Variants in CNTN5 observed in about 807,000 individuals in gnomAD.
CNTN5 encodes contactin-5.
In CNTN5, 77 loss-of-function variants were observed where a neutral mutation model predicts 129.1. That is an observed-to-expected ratio of 0.60 (90% CI 0.50 to 0.72). The LOEUF is 0.72. CNTN5 is among the 30% of genes least tolerant of loss of function. The probability of loss-of-function intolerance (pLI) is 0.00; values close to 1 mark genes in which losing one functional copy is unlikely to be tolerated. For missense variants in CNTN5, 1,478 were observed against 1,328.8 expected (o/e 1.11, Z -1.75); for synonymous variants, 509 against 465.6 (o/e 1.09, Z -1.20).
intron 4 of CNTN5, among the ~76,000 whole-genome samples, chr11:99,839,187 T>C (rs934794350): frequency 6.6e-6 from 1 of 152,160 alleles, no homozygotes; most frequent in East Asian, 1.9e-4. Context: ...TTGAAAATAA[T>C]GAGGAAAGAA....
chr11:99,463,148 A>AAATAAATAAATAAATAAAT (rs756861193), intron 2 of CNTN5, among the ~76,000 whole-genome samples: 1,049 of 67,416 alleles, frequency 0.016, 8 homozygotes, highest in Middle Eastern at 0.073. Flanking sequence ...AATAAATAAA[A>AAATAAATAAATAAATAAAT]GTAAAAAAGT....
chr11:99,512,570 C>T (rs1411159866), intron 2 of CNTN5, among the ~76,000 whole-genome samples: 3 of 152,132 alleles, frequency 2.0e-5, no homozygotes, highest in African/African-American at 7.2e-5. Flanking sequence ...TCCAGCAAGT[C>T]TGTTAGTGCC....
intron 6 of CNTN5, among the ~76,000 whole-genome samples, chr11:99,867,179 G>C (rs1347649587): frequency 6.6e-6 from 1 of 152,128 alleles, no homozygotes; most frequent in Non-Finnish European, 1.5e-5. Context: ...TTGCAGTCAA[G>C]ATCACTGTTG....
chr11:100,085,346 A>G (rs1313904787), intron 13 of CNTN5, among the ~76,000 whole-genome samples: 1 of 152,076 alleles, frequency 6.6e-6, no homozygotes, highest in African/African-American at 2.4e-5. Context: ...TAAAGTAATC[A>G]GCACAACAAA....
intron 1 of CNTN5, among the ~76,000 whole-genome samples, chr11:99,094,580 T>A (rs1866391097): frequency 6.6e-6 from 1 of 151,926 alleles, no homozygotes; most frequent in African/African-American, 2.4e-5. Flanking sequence ...CGCTAACATG[T>A]GGCATACAGA....
chr11:99,626,355 C>T (rs1415285559), intron 3 of CNTN5, among the ~76,000 whole-genome samples: 2 of 152,006 alleles, frequency 1.3e-5, no homozygotes, highest in Admixed American at 1.3e-4. Context: ...TTTAACATCA[C>T]GGAATAATAG....
intron 1 of CNTN5, among the ~76,000 whole-genome samples, chr11:99,179,212 G>A (rs1183801514): frequency 6.6e-6 from 1 of 152,106 alleles, no homozygotes; most frequent in African/African-American, 2.4e-5. Context: ...GGGGCCAAGG[G>A]AGGTAGATCA....
At chr11:100,213,196 A>G (rs962222566) in intron 15 of CNTN5, among the ~76,000 whole-genome samples, 11 of 149,984 alleles carry the variant, frequency 7.3e-5, no homozygotes, top group Non-Finnish European at 1.7e-4. Flanking sequence ...CAATGAAACA[A>G]TCAAGCCCTA....
chr11:100,221,572 T>C (rs1410652632), intron 15 of CNTN5, among the ~76,000 whole-genome samples: 3 of 152,218 alleles, frequency 2.0e-5, no homozygotes, highest in South Asian at 2.1e-4. Context: ...TGAAACGATC[T>C]GACCAAGATA....
chr11:99,219,621 T>C (rs922526452), intron 1 of CNTN5, among the ~76,000 whole-genome samples: 1 of 150,604 alleles, frequency 6.6e-6, no homozygotes, highest in African/African-American at 2.4e-5. Flanking sequence ...TCAGCACTTG[T>C]AGACCATGGC....
At chr11:99,839,147 G>T (rs1051780014) in intron 4 of CNTN5, among the ~76,000 whole-genome samples, 8 of 152,046 alleles carry the variant, frequency 5.3e-5, no homozygotes, top group African/African-American at 1.2e-4. Flanking sequence ...GCATGAAAAG[G>T]TTACTTTCAT....
At chr11:99,295,933 A>G (rs1445157131) in intron 1 of CNTN5, among the ~76,000 whole-genome samples, 1 of 151,406 alleles carries the variant, frequency 6.6e-6, no homozygotes, top group East Asian at 1.9e-4. Flanking sequence ...GAGGCAACGT[A>G]CGTACTACTA....
chr11:100,070,686 T>C, intron 11 of CNTN5, 126 bp downstream of exon 11: 1 of 745,246 alleles, frequency 1.3e-6, no homozygotes, highest in Non-Finnish European at 2.2e-6. Flanking sequence ...AGGACATGTT[T>C]GTGTTAAGGA....
At chr11:100,101,357 G>A (rs1391775563) in intron 13 of CNTN5, among the ~76,000 whole-genome samples, 1 of 152,020 alleles carries the variant, frequency 6.6e-6, no homozygotes, top group African/African-American at 2.4e-5. Context: ...TGCTCAAGAA[G>A]GATAAGATTA....
intron 8 of CNTN5, among the ~76,000 whole-genome samples, chr11:99,963,412 G>A (rs932878919): frequency 6.6e-6 from 1 of 152,182 alleles, no homozygotes; most frequent in African/African-American, 2.4e-5. Flanking sequence ...TTATTAAATA[G>A]GGAATCCTTT....
At chr11:100,280,560 T>C (rs527693428) in intron 18 of CNTN5, among the ~76,000 whole-genome samples, 1 of 152,246 alleles carries the variant, frequency 6.6e-6, no homozygotes, top group African/African-American at 2.4e-5. Flanking sequence ...GTGTTTTCAA[T>C]CTATGAGTGT....
At chr11:99,991,220 C>T (rs1019143907) in intron 8 of CNTN5, among the ~76,000 whole-genome samples, 1 of 152,150 alleles carries the variant, frequency 6.6e-6, no homozygotes, top group Non-Finnish European at 1.5e-5. Context: ...GTAATCCCAG[C>T]ACTTTGGGAG....
rs531542518 is a variant in CNTN5 at position 99,347,113 on chromosome 11, A to T, written c.-71+21629A>T. On this transcript the variant is annotated intron_variant, in intron 2 of 24. Coordinates refer to ENST00000524871, the MANE Select transcript of CNTN5 (RefSeq NM_014361.4). ...TTTCATGTTCTTCCAGAGTTTTTAC[A>T]TCTTTGGCTTAATATCCCTGATTCC... Among the ~76,000 whole-genome samples, 6 of 152,286 alleles carry T rather than the reference A, an allele frequency of 3.9e-5. No homozygotes were observed. The South Asian group carries it at 1.2e-3, about 32-fold the overall frequency.
At chr11:99,080,487 C>T (rs1014838453) in intron 1 of CNTN5, among the ~76,000 whole-genome samples, 7 of 152,000 alleles carry the variant, frequency 4.6e-5, no homozygotes, top group Non-Finnish European at 1.0e-4. Context: ...GATTTTTTGC[C>T]ACAGTCCACT....
Sources: gnomAD v4.1 joint callset for allele counts (sites outside exome capture counted in the v4.1 genomes callset) on GRCh38, gnomAD v4.1.1 for gene constraint, MANE v1.5 for transcripts, NCBI Gene and HGNC (gene_info 2026-07-23, HGNC 2026-07-21) for gene names.